The following STMND1 variants were observed in gnomAD, a reference collection of about 807,000 sequenced individuals.
The protein encoded by STMND1 is stathmin domain-containing protein 1.
A neutral mutation model predicts 23.0 loss-of-function variants in STMND1; 17 were observed. That is an observed-to-expected ratio of 0.74 (90% CI 0.51 to 1.11). STMND1 has a LOEUF of 1.11. Among genes scored for constraint, STMND1 ranks in the 50% least tolerant of loss-of-function variants. The pLI is 0.00. For missense variants in STMND1, 305 were observed against 329.1 expected (o/e 0.93, Z 0.57); for synonymous variants, 114 against 119.9 (o/e 0.95, Z 0.32).
rs752936884 is a variant in STMND1 at position 17,114,988 on chromosome 6, G to A, written c.108G>A (p.Gly36=). The part of the protein sequence containing the change: ...FKADVSVPHT[G]ENCSPRMEAA... Reference sequence around the variant, plus strand: ...CTGATGTCAGTGTGCCTCATACTGGGGAAAATTGCAGCCCCCGGATGGAAG... The same window carrying A: ...CTGATGTCAGTGTGCCTCATACTGGAGAAAATTGCAGCCCCCGGATGGAAG... The change falls in exon 2 of 5, where the codon GGG becomes GGA. Residue 36 remains glycine (G), a synonymous_variant. Transcript: ENST00000536551. 2.6e-5 allele frequency: 40 copies of A among 1,531,606 alleles called. No homozygotes were observed. The highest frequency in any genetic ancestry group is 1.7e-4 in the Middle Eastern group (1 of 5,988). The allele number at this position is 1,531,606 out of a possible 1,614,324, so 94.9% of individuals were successfully genotyped here. A position where few individuals can be genotyped will look rare whatever the true frequency, so the allele number is the denominator to read the frequency against.
chr6:17,118,393 A>G (rs1761188141), intron 2 of STMND1, among the ~76,000 whole-genome samples: 1 of 152,148 alleles, frequency 6.6e-6, no homozygotes, highest in African/African-American at 2.4e-5. Context: ...CGTTTTTTTA[A>G]TCTTTTACTA....
intron 3 of STMND1, among the ~76,000 whole-genome samples, chr6:17,122,954 G>T (rs1175932533): frequency 6.6e-6 from 1 of 152,020 alleles, no homozygotes; most frequent in Non-Finnish European, 1.5e-5. Context: ...GAAAAAAGAA[G>T]GCATGTCAAA....
At chr6:17,111,508 T>C (rs922801897) in intron 1 of STMND1, among the ~76,000 whole-genome samples, 1 of 152,180 alleles carries the variant, frequency 6.6e-6, no homozygotes, top group South Asian at 2.1e-4. Context: ...GTTAAATACA[T>C]TGTGGCATAG....
At chr6:17,114,895 G>C in intron 1 of STMND1, 67 bp from the exon 2 acceptor site, 1 of 1,425,360 alleles carries the variant, frequency 7.0e-7, no homozygotes, top group Non-Finnish European at 9.2e-7. Context: ...TCACAAAGCA[G>C]ACCCTGCAAC....
chr6:17,121,807 G>A (rs4716115), intron 3 of STMND1, among the ~76,000 whole-genome samples: 32,140 of 151,402 alleles, frequency 0.21, 3,706 homozygotes, highest in East Asian at 0.36. Context: ...TTTCTTCAGC[G>A]TGAATAATAT....
At chr6:17,129,377 C>A in intron 4 of STMND1, 134 bp downstream of exon 4, 1 of 919,418 alleles carries the variant, frequency 1.1e-6, no homozygotes, top group Admixed American at 3.5e-5. Context: ...TATTATTTTA[C>A]TAATTTTTTT....
intron 1 of STMND1, among the ~76,000 whole-genome samples, chr6:17,108,487 G>C (rs1761054668): frequency 6.6e-6 from 1 of 152,122 alleles, no homozygotes. Flanking sequence ...GTAACTCAGT[G>C]CTTCTCTAGG....
chr6:17,109,992 T>C (rs1761076104), intron 1 of STMND1, among the ~76,000 whole-genome samples: 1 of 152,214 alleles, frequency 6.6e-6, no homozygotes, highest in Non-Finnish European at 1.5e-5. Flanking sequence ...CCTTCCACTG[T>C]CTACCCCAAT....
At chr6:17,129,297 A>T (rs1761353661) in intron 4 of STMND1, 54 bp downstream of exon 4, 1 of 1,514,714 alleles carries the variant, frequency 6.6e-7, no homozygotes, top group South Asian at 1.2e-5. Flanking sequence ...TGTTAAAATG[A>T]TCTCACCCCA....
At chr6:17,126,183 G>T (rs181429307) in intron 3 of STMND1, among the ~76,000 whole-genome samples, 9 of 146,952 alleles carry the variant, frequency 6.1e-5, no homozygotes, top group African/African-American at 2.3e-4. Context: ...CTCCCAAAGT[G>T]CTGGGATTAC....
At chr6:17,110,696 A>G (rs377489470) in intron 1 of STMND1, 8 of 397,972 alleles carry the variant, frequency 2.0e-5, no homozygotes, top group Admixed American at 1.1e-4. Flanking sequence ...TGAACCCGAG[A>G]GGCAGAGGTT....
chr6:17,107,426 C>G (rs948390672), intron 1 of STMND1, among the ~76,000 whole-genome samples: 1 of 152,112 alleles, frequency 6.6e-6, no homozygotes, highest in Non-Finnish European at 1.5e-5. Context: ...AAATTTATCC[C>G]CAAGACACTG....
intron 1 of STMND1, among the ~76,000 whole-genome samples, chr6:17,105,160 G>A (rs910981237): frequency 3.9e-5 from 6 of 152,114 alleles, no homozygotes; most frequent in Non-Finnish European, 7.3e-5. Flanking sequence ...TTTCTATAAA[G>A]GACTTGAACA....
At chr6:17,113,469 C>T (rs959980090) in intron 1 of STMND1, among the ~76,000 whole-genome samples, 2 of 152,118 alleles carry the variant, frequency 1.3e-5, no homozygotes, top group African/African-American at 4.8e-5. Context: ...AAAGTCAATT[C>T]ATTATTTATA....
intron 2 of STMND1, among the ~76,000 whole-genome samples, chr6:17,117,404 C>G (rs945688038): frequency 2.0e-5 from 3 of 152,014 alleles, no homozygotes; most frequent in African/African-American, 7.2e-5. Context: ...ATTATCTCAT[C>G]TATAGATCAT....
chr6:17,124,611 A>C (rs868179356), intron 3 of STMND1, among the ~76,000 whole-genome samples: 9 of 152,214 alleles, frequency 5.9e-5, no homozygotes, highest in African/African-American at 2.2e-4. Flanking sequence ...TTTTCATCAT[A>C]ATCTTGCTGG....
intron 1 of STMND1, among the ~76,000 whole-genome samples, chr6:17,103,177 A>G (rs960977912): frequency 6.6e-6 from 1 of 152,228 alleles, no homozygotes; most frequent in African/African-American, 2.4e-5. Context: ...ATAATTTATC[A>G]TCAAAATTAT....
chr6:17,117,666 G>GC (rs1561923954), intron 2 of STMND1, among the ~76,000 whole-genome samples: 2 of 103,626 alleles, frequency 1.9e-5, no homozygotes, highest in African/African-American at 6.8e-5. Context: ...TTTGGGTTAC[G>GC]CTTTTTTTTT....
intron 3 of STMND1, among the ~76,000 whole-genome samples, chr6:17,121,945 C>T (rs1761239026): frequency 6.6e-6 from 1 of 151,860 alleles, no homozygotes; most frequent in African/African-American, 2.4e-5. Flanking sequence ...TCACTGCAAC[C>T]TCTGCCTCCT....
Sources: allele counts gnomAD v4.1 joint callset (sites outside exome capture counted in the v4.1 genomes callset), GRCh38; gene constraint gnomAD v4.1.1; transcripts MANE v1.5; gene names NCBI Gene and HGNC (gene_info 2026-07-23, HGNC 2026-07-21).